The following UBR4 variants were observed in gnomAD, a reference collection of about 807,000 sequenced individuals.
The protein encoded by UBR4 is E3 ubiquitin-protein ligase UBR4.
UBR4 carries 124 observed loss-of-function variants against 575.6 expected under a neutral mutation model. The ratio of observed to expected loss-of-function variants is 0.22; its 90% CI spans 0.19 to 0.25. The LOEUF is 0.25. Among genes scored for constraint, UBR4 ranks in the 10% least tolerant of loss-of-function variants. The pLI is 1.00. For synonymous variants in UBR4, 2,455 were observed against 2,473.7 expected (o/e 0.99, Z 0.22); for missense variants, 4,818 against 6,478.8 (o/e 0.74, Z 8.80).
intron 55 of UBR4, among the ~76,000 whole-genome samples, chr1:19,143,240 A>AAGGC (rs2084246309): frequency 2.2e-5 from 3 of 139,048 alleles, no homozygotes; most frequent in Admixed American, 7.2e-5. Context: ...GGAAGGCAGG[A>AAGGC]AGGAAGGAAG....
rs943265569 is a variant in UBR4, at chr1:19,139,552, C to T, written c.8594-332G>A. On this transcript the variant is annotated intron_variant, in intron 58 of 105. Coordinates refer to ENST00000375254, the MANE Select transcript of UBR4 (RefSeq NM_020765.3). This position sits in a 1 kb window ranked among gnomAD's most constrained non-coding sequence, Gnocchi z 4.2. ...ATTCAGTAAGAATCTGTGACATGGA[C>T]GCTGAGTTTTCTAGCTAAAATGCTT... 3.9e-5 allele frequency among the ~76,000 whole-genome samples: 6 copies of T among 152,304 alleles called. No individual in the cohort carries two copies. The South Asian group carries it at 6.2e-4, about 16-fold the overall frequency.
chr1:19,169,591 T>C, intron 26 of UBR4, 59 bp from the exon 27 acceptor site: 1 of 1,471,564 alleles, frequency 6.8e-7, no homozygotes, highest in South Asian at 1.2e-5. Context: ...ACACAGAGCA[T>C]TTTAAAAGCC....
At chr1:19,163,439 G>A (rs2087738215) in intron 34 of UBR4, among the ~76,000 whole-genome samples, 1 of 152,234 alleles carries the variant, frequency 6.6e-6, no homozygotes, top group South Asian at 2.1e-4. Flanking sequence ...CACTGACTCA[G>A]AGTGGCACAG....
At position 19,170,798 on chromosome 1, in the gene UBR4, C is replaced by T; in HGVS notation, c.3607G>A (p.Ala1203Thr). Residue 1203 changes from alanine to threonine, a missense_variant, in exon 26 of 106, where the codon GCT becomes ACT. By Grantham distance (58) the Ala-to-Thr change is moderately conservative (BLOSUM62 0). Around this residue, in one of 29 missense-constraint regions of UBR4, gnomAD observed 1,172 missense variants for 1,259.7 expected, o/e 0.93. Transcript: ENST00000375254. ...EKLQGFAAVL[A>T]IGSSRCKANT... is the part of the protein sequence containing the mutation. Reference sequence around the variant, plus strand: ...GCCTTGCACCTGCTAGAGCCAATAGCCAAAACAGCAGCAAAGCCTTGCAGT... The same window carrying T: ...GCCTTGCACCTGCTAGAGCCAATAGTCAAAACAGCAGCAAAGCCTTGCAGT... 2 of 1,614,144 alleles carry T rather than the reference C, an allele frequency of 1.2e-6. No individual in the cohort carries two copies. Among genetic ancestry groups the T allele is most frequent in the South Asian group, 2.2e-5 (2 of 91,082 alleles).
intron 78 of UBR4, 169 bp downstream of exon 78, chr1:19,112,355 C>T (rs1458486055): frequency 1.1e-5 from 8 of 741,814 alleles, no homozygotes; most frequent in South Asian, 6.6e-5. Flanking sequence ...CAATGCTCCC[C>T]AAGCTCGCTC....
intron 34 of UBR4, among the ~76,000 whole-genome samples, chr1:19,163,425 A>G (rs747415812): frequency 5.9e-5 from 9 of 152,244 alleles, no homozygotes; most frequent in African/African-American, 1.7e-4. Context: ...TTGGCCTTTT[A>G]TAACACTGAC....
At chr1:19,149,401 G>T (rs1217041408) in intron 49 of UBR4, among the ~76,000 whole-genome samples, 1 of 152,110 alleles carries the variant, frequency 6.6e-6, no homozygotes, top group African/African-American at 2.4e-5. Context: ...AGGAAACTGA[G>T]GCATAAAACA....
At chr1:19,124,348 G>T in intron 65 of UBR4, 193 bp downstream of exon 65, 1 of 648,820 alleles carries the variant, frequency 1.5e-6, no homozygotes, top group Non-Finnish European at 2.4e-6. Context: ...GGTAAAGTAT[G>T]GCTTGTTTGA....
chr1:19,142,848 G>A lies in UBR4; in HGVS notation c.8180-1071C>T, dbSNP rs546764732. Among the ~76,000 whole-genome samples the A allele has an allele frequency of 1.8e-3, 280 of 152,320 alleles. 1 individual carries two copies. Among genetic ancestry groups the A allele is most frequent in the Non-Finnish European group, 2.2e-3 (150 of 68,038 alleles). The stretch of plus-strand genomic sequence containing the variant: ...TAGAAAATTTAAAAGTACAGGCCGA[G>A]CAGTGGCTCGCGCCTATAATCCTAG... On this transcript the variant is annotated intron_variant, in intron 55 of 105. Coordinates refer to ENST00000375254, the MANE Select transcript of UBR4 (RefSeq NM_020765.3).
In UBR4 at chr1:19,076,867, G is replaced by A. The variant is rs1461778843; in HGVS notation, c.15360C>T (p.Ser5120=). ...GGCGGATGTACTCAGCGAGAGAGCA[G>A]GACCAGCCTCCCTCTGTGTTACTGG... is the stretch of plus-strand genomic sequence containing the variant. ...VPTSNTEGGW[S]CSLAEYIRHN... is the part of the protein sequence containing the mutation. The change falls in exon 105 of 106, where the codon TCC becomes TCT. Residue 5120 remains serine (S), a synonymous_variant. Coordinates refer to ENST00000375254, the MANE Select transcript of UBR4 (RefSeq NM_020765.3). The A allele has an allele frequency of 3.1e-6, 5 of 1,599,392 alleles. No individual in the cohort carries two copies. The highest frequency in any genetic ancestry group is 1.3e-5 in the African/African-American group (1 of 74,194).
intron 1 of UBR4, among the ~76,000 whole-genome samples, chr1:19,203,986 C>T (rs1183112490): frequency 1.3e-5 from 2 of 152,046 alleles, no homozygotes; most frequent in Admixed American, 1.3e-4. Flanking sequence ...TTAGTTTTTC[C>T]TTTACTTCCA....
chr1:19,078,178 G>A (rs2076143661), intron 103 of UBR4, 112 bp from the exon 104 acceptor site: 1 of 1,066,506 alleles, frequency 9.4e-7, no homozygotes, highest in South Asian at 1.5e-5. Context: ...ATGCATCTCG[G>A]AGTTCCAGCG....
chr1:19,162,487 A>G lies in UBR4; in HGVS notation c.4889T>C (p.Ile1630Thr). The change falls in exon 35 of 106, where the codon ATT becomes ACT. Residue 1630 changes from isoleucine (I) to threonine (T), a missense_variant. Ile to Thr is a moderately conservative substitution (Grantham distance 89). Coordinates refer to ENST00000375254, the MANE Select transcript of UBR4 (RefSeq NM_020765.3). ...HLSVDGEERAIEVDSDWVEEL... is the reference protein window; with the variant it reads ...HLSVDGEERATEVDSDWVEEL... The stretch of plus-strand genomic sequence containing the variant: ...CTCCACCCAGTCTGAGTCTACTTCA[A>G]TGGCCCGCTCTTCCCCATCCACTGA... The G allele has an allele frequency of 1.2e-6, 2 of 1,614,012 alleles. No individual in the cohort carries two copies. Among genetic ancestry groups the G allele is most frequent in the Non-Finnish European group, 1.7e-6 (2 of 1,179,930 alleles).
At chr1:19,155,145 G>C in intron 43 of UBR4, 70 bp from the exon 44 acceptor site, 1 of 1,587,080 alleles carries the variant, frequency 6.3e-7, no homozygotes, top group Non-Finnish European at 8.6e-7. Context: ...GTTTATACTG[G>C]TTATTATTTT....
chr1:19,169,431 T>A lies in UBR4; in HGVS notation c.3741+4A>T. On this transcript the variant is annotated splice_donor_region_variant and intron_variant, in intron 27 of 105. Transcript: ENST00000375254. ...TTTCTACCCTGGAACAGATAGGGACTCACCCAGGATCCAATATTGGGAAAT... is the reference window on the plus strand; with the variant it reads ...TTTCTACCCTGGAACAGATAGGGACACACCCAGGATCCAATATTGGGAAAT... 1 of 1,612,410 alleles carries A rather than the reference T, an allele frequency of 6.2e-7. No homozygotes were observed. The highest frequency in any genetic ancestry group is 2.2e-5 in the East Asian group (1 of 44,826).
At chr1:19,126,692 G>C in intron 63 of UBR4, 37 bp from the exon 64 acceptor site, 5 of 1,602,072 alleles carry the variant, frequency 3.1e-6, no homozygotes, top group South Asian at 1.1e-5. Flanking sequence ...GGGAAGAATG[G>C]CTTGTAAAAA....
intron 5 of UBR4, 86 bp downstream of exon 5, chr1:19,198,455 A>G: frequency 6.7e-7 from 1 of 1,493,156 alleles, no homozygotes; most frequent in Middle Eastern, 2.5e-4. Flanking sequence ...TATATCACAA[A>G]CATAAAATAC....
chr1:19,145,348 G>C, intron 53 of UBR4, among the ~76,000 whole-genome samples: 1 of 152,124 alleles, frequency 6.6e-6, no homozygotes, highest in East Asian at 1.9e-4. Flanking sequence ...TTTCTATATT[G>C]CTATTCAGAC....
chr1:19,139,319 C>A lies in UBR4; in HGVS notation c.8594-99G>T. The A allele has an allele frequency of 6.9e-7, 1 of 1,450,630 alleles. No homozygotes were observed. The highest frequency in any genetic ancestry group is 1.4e-5 in the South Asian group (1 of 69,422). 89.9% of individuals were successfully genotyped at this position (1,450,630 alleles called of 1,614,324 possible). A position where few individuals can be genotyped will look rare whatever the true frequency, so the allele number is the denominator to read the frequency against. ...CCCTCCTTGGGATGAAAGCATCAAA[C>A]CACATAGTGCATAGGACACAATGCA... On this transcript the variant is annotated intron_variant, in intron 58 of 105. Transcript: ENST00000375254. The surrounding 1 kb of genome is among the most constrained non-coding windows in gnomAD (Gnocchi z 4.2).
Sources: gnomAD v4.1 joint callset for allele counts (sites outside exome capture counted in the v4.1 genomes callset) on GRCh38, gnomAD v4.1.1 for gene constraint, gnomAD v4.1.1 regional missense constraint, Gnocchi (gnomAD v3.1) non-coding constraint, MANE v1.5 for transcripts, NCBI Gene and HGNC (gene_info 2026-07-23, HGNC 2026-07-21) for gene names.